HS1BP3: variants seen among roughly 807,000 people sequenced by gnomAD.
HS1BP3 encodes the protein HCLS1 binding protein 3.
Under a neutral mutation model 33.5 loss-of-function variants are expected in HS1BP3, and 32 were observed. The observed-to-expected ratio is 0.95, with a 90% CI of 0.72 to 1.28. HS1BP3 has a LOEUF of 1.28. HS1BP3 is among the 50% of genes most tolerant of loss of function. The pLI is 0.00. For synonymous variants in HS1BP3, 187 were observed against 209.2 expected, an observed-to-expected ratio of 0.89 and a Z score of 0.92; for missense variants, 486 against 502.3, an observed-to-expected ratio of 0.97 and a Z score of 0.31.
the HS1BP3 span, among the ~76,000 whole-genome samples, chr2:20,555,222 G>A: frequency 3.3e-5 from 5 of 152,200 alleles, no homozygotes; most frequent in Admixed American, 2.0e-4. Flanking sequence ...TATCTGACTT[G>A]TTTTTTCATC....
At chr2:20,601,836 T>A (rs1364639420) in intron 2 of HS1BP3, among the ~76,000 whole-genome samples, 1 of 129,970 alleles carries the variant, frequency 7.7e-6, no homozygotes, top group Non-Finnish European at 1.6e-5. Flanking sequence ...TGGAGTGCAG[T>A]GGCGTGATCT....
rs1435620841 is a variant in HS1BP3, at chr2:20,641,116, G to A, written c.263C>T (p.Ala88Val). The A allele has an allele frequency of 6.2e-7, 1 of 1,613,296 alleles. No individual in the cohort carries two copies. Among genetic ancestry groups the A allele is most frequent in the Non-Finnish European group, 8.5e-7 (1 of 1,180,018 alleles). The change falls in exon 3 of 7, where the codon GCC becomes GTC. Residue 88 changes from alanine to valine, a missense_variant. Transcript: ENST00000304031. ...YQKLSSRYAA[A>V]SLPPLPRKVL... ...CTTCCTGGGTAGTGGGGGGAGGCTG[G>A]CTGCTGCATAACGACTGCTCAGTTT...
At chr2:20,605,944 A>C (rs868810906) in intron 2 of HS1BP3, among the ~76,000 whole-genome samples, 3 of 152,188 alleles carry the variant, frequency 2.0e-5, no homozygotes, top group Non-Finnish European at 2.9e-5. Context: ...CCCTGTCTTC[A>C]ATTCTTTGGG....
intron 5 of HS1BP3, among the ~76,000 whole-genome samples, chr2:20,564,906 A>G (rs1693088637): frequency 6.6e-6 from 1 of 152,186 alleles, no homozygotes; most frequent in African/African-American, 2.4e-5. Context: ...CACCACCAGG[A>G]CTCAGAGGGT....
At chr2:20,633,704 G>A (rs1047785143) in intron 4 of HS1BP3, among the ~76,000 whole-genome samples, 5 of 152,142 alleles carry the variant, frequency 3.3e-5, no homozygotes, top group Non-Finnish European at 5.9e-5. Context: ...TGTATTTTTA[G>A]TAGAGACAGG....
chr2:20,576,203 A>C (rs1693396240), intron 5 of HS1BP3, among the ~76,000 whole-genome samples: 1 of 151,994 alleles, frequency 6.6e-6, no homozygotes, highest in African/African-American at 2.4e-5. Flanking sequence ...CTGGTCCTGA[A>C]CTCCTAGGCT....
At chr2:20,642,174 G>A (rs1293267325) in intron 2 of HS1BP3, among the ~76,000 whole-genome samples, 1 of 152,224 alleles carries the variant, frequency 6.6e-6, no homozygotes, top group African/African-American at 2.4e-5. Context: ...TCACTCTTAT[G>A]CTCCCAGGCC....
intron 2 of HS1BP3, among the ~76,000 whole-genome samples, 188 bp from the exon 3 acceptor site, chr2:20,641,368 C>G (rs1189912092): frequency 3.3e-5 from 5 of 152,148 alleles, no homozygotes; most frequent in Admixed American, 3.3e-4. Context: ...ATAGCAGATT[C>G]AATAAAAACA....
intron 5 of HS1BP3, among the ~76,000 whole-genome samples, chr2:20,575,836 ACTGTTAGGCC>A (rs1224114687): frequency 6.6e-6 from 1 of 151,796 alleles, no homozygotes; most frequent in African/African-American, 2.4e-5. Flanking sequence ...AATGTGAGTG[ACTGTTAGGCC>A]CTGATACCCA....
intron 2 of HS1BP3, among the ~76,000 whole-genome samples, chr2:20,601,086 T>G (rs959217070): frequency 6.6e-6 from 1 of 152,244 alleles, no homozygotes; most frequent in Non-Finnish European, 1.5e-5. Flanking sequence ...CATATTCTCA[T>G]GCCTTCTTGC....
downstream of HS1BP3, among the ~76,000 whole-genome samples, chr2:20,613,897 G>A (rs4666441): frequency 0.75 from 114,447 of 152,248 alleles, 43,754 homozygotes; most frequent in African/African-American, 0.87. Flanking sequence ...GTCGAATTGC[G>A]TCCCTTCAAA....
intron 2 of HS1BP3, among the ~76,000 whole-genome samples, chr2:20,599,541 G>T (rs1694022120): frequency 6.6e-6 from 1 of 151,908 alleles, no homozygotes; most frequent in African/African-American, 2.4e-5. Flanking sequence ...AGGTCAAAGG[G>T]GCTTTGAGCC....
chr2:20,649,179 C>T (rs1695609540), intron 1 of HS1BP3, among the ~76,000 whole-genome samples: 1 of 152,220 alleles, frequency 6.6e-6, no homozygotes, highest in Non-Finnish European at 1.5e-5. Flanking sequence ...CCACAGCCTT[C>T]TCGGCCTTTC....
At chr2:20,642,478 C>G (rs994229795) in intron 2 of HS1BP3, among the ~76,000 whole-genome samples, 2 of 152,224 alleles carry the variant, frequency 1.3e-5, no homozygotes, top group African/African-American at 2.4e-5. Flanking sequence ...GAAAGGCACA[C>G]GGACCCCTTC....
At chr2:20,610,103 G>A (rs1381013966) in intron 2 of HS1BP3, among the ~76,000 whole-genome samples, 2 of 152,128 alleles carry the variant, frequency 1.3e-5, no homozygotes, top group Admixed American at 6.5e-5. Flanking sequence ...TGAACAGAGA[G>A]TACAAAGTCC....
intron 2 of HS1BP3, among the ~76,000 whole-genome samples, chr2:20,643,555 C>T (rs1223719236): frequency 2.0e-5 from 3 of 152,176 alleles, no homozygotes; most frequent in Non-Finnish European, 4.4e-5. Context: ...CACCAAGAGT[C>T]GGCCACAGGA....
At chr2:20,562,086 G>T (rs938911664) in intron 5 of HS1BP3, among the ~76,000 whole-genome samples, 8 of 152,168 alleles carry the variant, frequency 5.3e-5, no homozygotes, top group Admixed American at 2.0e-4. Context: ...AATGCACCCG[G>T]ACAAGGCATG....
Position 20,640,995 on chromosome 2 carries a change from G to A in HS1BP3, c.384C>T (p.Ser128=). The change falls in exon 3 of 7, where the codon AGC becomes AGT. Residue 128 remains serine (S), a synonymous_variant. Coordinates refer to ENST00000304031, the MANE Select transcript of HS1BP3 (RefSeq NM_022460.4). The part of the protein sequence containing the change: ...CVSKDAELAG[S]PELLEFLGTR... ...TACCTAAGAACTCTAGCAGCTCTGG[G>A]CTGCCTGCCAACTCGGCATCCTTGG... is the stretch of plus-strand genomic sequence containing the variant. The A allele has an allele frequency of 6.2e-7, 1 of 1,614,174 alleles. No homozygotes were observed. Among genetic ancestry groups the A allele is most frequent in the African/African-American group, 1.3e-5 (1 of 75,054 alleles).
Position 20,611,667 on chromosome 2 carries a change from G to A in HS1BP3, c.178+12229C>T, listed in dbSNP as rs1572332007. On this transcript the variant is annotated intron_variant, in intron 2 of 3. Transcript: ENST00000415264. The surrounding 1 kb of genome is among the most constrained non-coding windows in gnomAD (Gnocchi z 4.9). Reference sequence around the variant, plus strand: ...TTGGTAGACCTCCATGACCCACCTGGATCCAGTCCCCAGTCACATACCAGG... The same window carrying A: ...TTGGTAGACCTCCATGACCCACCTGAATCCAGTCCCCAGTCACATACCAGG... Among the ~76,000 whole-genome samples, 4 of 152,236 alleles carry A rather than the reference G, an allele frequency of 2.6e-5. No individual in the cohort carries two copies. Among genetic ancestry groups the A allele is most frequent in the Admixed American group, 1.3e-4 (2 of 15,294 alleles).
Sources: allele counts gnomAD v4.1 joint callset (sites outside exome capture counted in the v4.1 genomes callset), GRCh38; gene constraint gnomAD v4.1.1; non-coding constraint Gnocchi (gnomAD v3.1); transcripts MANE v1.5; gene names NCBI Gene and HGNC (gene_info 2026-07-23, HGNC 2026-07-21).